Variants in SDK1 observed in about 807,000 individuals in gnomAD.
The protein encoded by SDK1 is protein sidekick-1.
A neutral mutation model predicts 245.5 loss-of-function variants in SDK1; 157 were observed. The ratio of observed to expected loss-of-function variants is 0.64; its 90% CI spans 0.56 to 0.73. SDK1 has a LOEUF of 0.73. Among genes scored for constraint, SDK1 ranks in the 30% least tolerant of loss-of-function variants. SDK1 has a pLI of 0.00. For synonymous variants in SDK1, 1,647 were observed against 1,278.5 expected, an observed-to-expected ratio of 1.29 and a Z score of -6.15; for missense variants, 3,583 against 3,002.3, an observed-to-expected ratio of 1.19 and a Z score of -4.52.
intron 22 of SDK1, among the ~76,000 whole-genome samples, chr7:4,106,764 G>A (rs776908987): frequency 2.0e-5 from 3 of 152,046 alleles, no homozygotes; most frequent in Non-Finnish European, 2.9e-5. Context: ...GCAGCCTCCC[G>A]GGCCTTACTG....
intron 35 of SDK1, among the ~76,000 whole-genome samples, chr7:4,202,924 G>A (rs1783973626): frequency 6.6e-6 from 1 of 152,174 alleles, no homozygotes; most frequent in South Asian, 2.1e-4. Flanking sequence ...AGAACCATGA[G>A]CTGCTGGTGC....
At position 3,545,510 on chromosome 7, in the gene SDK1, A is replaced by C. The variant is rs538806810; in HGVS notation, c.299-73570A>C. ...CCTTCAAGACTTAATGCAAATATTT[A>C]TCTGCGTGTATTTTCTTTTCCTACT... On this transcript the variant is annotated intron_variant, in intron 1 of 44. Transcript: ENST00000404826. 3.2e-4 allele frequency among the ~76,000 whole-genome samples: 48 copies of C among 152,336 alleles called. No homozygotes were observed. In the South Asian group the frequency reaches 9.9e-3, roughly 32 times the overall value.
chr7:3,483,490 T>G (rs1319593916), intron 1 of SDK1, among the ~76,000 whole-genome samples: 1 of 152,198 alleles, frequency 6.6e-6, no homozygotes, highest in Non-Finnish European at 1.5e-5. Flanking sequence ...AGGTGAATAA[T>G]CATATTGTTT....
At chr7:3,751,236 A>C (rs1779764028) in intron 4 of SDK1, among the ~76,000 whole-genome samples, 1 of 152,320 alleles carries the variant, frequency 6.6e-6, no homozygotes, top group Non-Finnish European at 1.5e-5. Context: ...TGAGTATTTC[A>C]GTCTTCTGAA....
intron 1 of SDK1, among the ~76,000 whole-genome samples, chr7:3,391,554 C>G (rs1244131338): frequency 4.0e-5 from 6 of 149,762 alleles, no homozygotes; most frequent in Non-Finnish European, 5.9e-5. Context: ...TGTTTAAAAA[C>G]AATTTAAAAG....
chr7:4,002,974 A>C (rs972966155), intron 14 of SDK1, among the ~76,000 whole-genome samples: 3 of 152,230 alleles, frequency 2.0e-5, no homozygotes, highest in African/African-American at 4.8e-5. Context: ...TTTGCAGCTC[A>C]TGGAGCCCTA....
intron 7 of SDK1, among the ~76,000 whole-genome samples, chr7:3,957,544 GTA>G (rs1781371141): frequency 1.3e-5 from 2 of 152,078 alleles, no homozygotes; most frequent in Admixed American, 1.3e-4. Flanking sequence ...GTTGTCGAAT[GTA>G]TGTTTTTTTC....
intron 22 of SDK1, among the ~76,000 whole-genome samples, chr7:4,102,412 G>A (rs142503549): frequency 2.0e-5 from 3 of 152,232 alleles, no homozygotes; most frequent in Non-Finnish European, 2.9e-5. Context: ...GGCAGGGTGC[G>A]CTTGGCTTGG....
At chr7:3,812,643 T>C (rs1779413483) in intron 4 of SDK1, among the ~76,000 whole-genome samples, 1 of 152,242 alleles carries the variant, frequency 6.6e-6, no homozygotes. Context: ...ACTAAACTGG[T>C]GGAGGCTTGA....
intron 44 of SDK1, among the ~76,000 whole-genome samples, chr7:4,262,628 C>G (rs986428384): frequency 2.0e-5 from 3 of 150,550 alleles, no homozygotes; most frequent in Middle Eastern, 3.4e-3. Flanking sequence ...CCCTCCCCAC[C>G]CTCGGAGGTC....
chr7:4,251,939 C>G (rs1231775781), intron 44 of SDK1, among the ~76,000 whole-genome samples: 1 of 152,196 alleles, frequency 6.6e-6, no homozygotes, highest in Non-Finnish European at 1.5e-5. Flanking sequence ...CTGTGTCTGT[C>G]TGGATGTTTT....
At chr7:4,152,602 A>G (rs1429723184) in intron 30 of SDK1, among the ~76,000 whole-genome samples, 3 of 152,232 alleles carry the variant, frequency 2.0e-5, no homozygotes, top group Non-Finnish European at 4.4e-5. Flanking sequence ...TTAATTTGGT[A>G]TAGGAGAGAC....
At chr7:3,318,996 G>T (rs1779729460) in intron 1 of SDK1, among the ~76,000 whole-genome samples, 1 of 152,064 alleles carries the variant, frequency 6.6e-6, no homozygotes, top group African/African-American at 2.4e-5. Flanking sequence ...AGCAGTGTGG[G>T]CCTATCTGGG....
chr7:3,954,125 C>G (rs904593909), intron 7 of SDK1, among the ~76,000 whole-genome samples: 1 of 152,008 alleles, frequency 6.6e-6, no homozygotes. Context: ...GCCCACCTGC[C>G]TGTCTATGTT....
At chr7:3,790,049 G>C (rs974113420) in intron 4 of SDK1, among the ~76,000 whole-genome samples, 1 of 152,118 alleles carries the variant, frequency 6.6e-6, no homozygotes, top group Non-Finnish European at 1.5e-5. Context: ...ATTCAGCGGA[G>C]AAGTTGAGAA....
At chr7:3,309,524 A>ATTT (rs59762021) in intron 1 of SDK1, among the ~76,000 whole-genome samples, 35,794 of 127,054 alleles carry the variant, frequency 0.28, 5,384 homozygotes, top group African/African-American at 0.38. Flanking sequence ...CTAGAAAAAG[A>ATTT]TTTTTTTTTT....
chr7:3,801,821 C>T (rs1288134860), intron 4 of SDK1, among the ~76,000 whole-genome samples: 1 of 152,176 alleles, frequency 6.6e-6, no homozygotes, highest in East Asian at 1.9e-4. Context: ...TCACCTCCGT[C>T]TTCATGTGGT....
chr7:3,578,052 T>G (rs572497916), intron 1 of SDK1, among the ~76,000 whole-genome samples: 1 of 152,056 alleles, frequency 6.6e-6, no homozygotes, highest in Non-Finnish European at 1.5e-5. Context: ...CTTGTTTTTT[T>G]GTATTCATCT....
intron 1 of SDK1, among the ~76,000 whole-genome samples, chr7:3,414,847 C>G (rs1230286394): frequency 3.9e-5 from 6 of 152,172 alleles, no homozygotes; most frequent in African/African-American, 9.6e-5. Flanking sequence ...TGGTGTGATT[C>G]TCTTCTTTCA....
Sources: gnomAD v4.1 joint callset for allele counts (sites outside exome capture counted in the v4.1 genomes callset) on GRCh38, gnomAD v4.1.1 for gene constraint, MANE v1.5 for transcripts, NCBI Gene and HGNC (gene_info 2026-07-23, HGNC 2026-07-21) for gene names.